THAP6: variants seen among roughly 807,000 people sequenced by gnomAD.
THAP6 encodes THAP domain-containing protein 6.
In THAP6, 13 loss-of-function variants were observed where a neutral mutation model predicts 20.0. That is an observed-to-expected ratio of 0.65 (90% CI 0.42 to 1.03). THAP6 has a LOEUF of 1.03. THAP6 is among the 50% of genes least tolerant of loss of function. THAP6 has a pLI of 0.00. For synonymous variants in THAP6, 93 were observed against 92.2 expected (o/e 1.01, Z -0.05); for missense variants, 262 against 261.6 (o/e 1.00, Z -0.01).
intron 2 of THAP6, among the ~76,000 whole-genome samples, chr4:75,541,967 A>G (rs570029115): frequency 6.6e-4 from 101 of 152,272 alleles, no homozygotes; most frequent in African/African-American, 2.4e-3. Context: ...AAAAAAAAAA[A>G]AAAGAAAATC....
intron 3 of THAP6, among the ~76,000 whole-genome samples, chr4:75,521,438 T>G (rs1726020981): frequency 6.6e-6 from 1 of 152,042 alleles, no homozygotes; most frequent in Non-Finnish European, 1.5e-5. Flanking sequence ...ATTTCTAGGT[T>G]TTTCTGTCTA....
rs1254001832 is a variant in THAP6, at chr4:75,514,528, C to T, written c.-21+8C>T. ...CAGTCTTCGCTGCTAACGGTAATAACTCTTAGGTTGCCTGTTTTCCCCCAA... is the reference window on the plus strand; with the variant it reads ...CAGTCTTCGCTGCTAACGGTAATAATTCTTAGGTTGCCTGTTTTCCCCCAA... On this transcript the variant is annotated splice_region_variant and intron_variant, in intron 1 of 4. Coordinates refer to ENST00000311638, the MANE Select transcript of THAP6 (RefSeq NM_144721.6). 3 of 427,680 alleles carry T rather than the reference C, an allele frequency of 7.0e-6. No individual in the cohort carries two copies. Among genetic ancestry groups the T allele is most frequent in the Non-Finnish European group, 1.3e-5 (3 of 237,332 alleles). 26.5% of individuals were successfully genotyped at this position (427,680 alleles called of 1,614,324 possible).
chr4:75,520,236 G>T (rs1278084287), intron 3 of THAP6, among the ~76,000 whole-genome samples: 2 of 152,060 alleles, frequency 1.3e-5, no homozygotes. Flanking sequence ...TTAGCCCTTT[G>T]TCAGATGAGT....
At chr4:75,541,433 TTTA>T (rs1489327051) in intron 2 of THAP6, among the ~76,000 whole-genome samples, 1 of 149,698 alleles carries the variant, frequency 6.7e-6, no homozygotes, top group Non-Finnish European at 1.5e-5. Flanking sequence ...TACAAAACAA[TTTA>T]TAAGTGTGTA....
downstream of THAP6, among the ~76,000 whole-genome samples, chr4:75,533,119 A>C (rs1411392765): frequency 6.6e-6 from 1 of 152,180 alleles, no homozygotes; most frequent in Non-Finnish European, 1.5e-5. Flanking sequence ...CTTTCCTTAT[A>C]AAACTGAATG....
chr4:75,541,356 G>A (rs1578283656), intron 2 of THAP6, among the ~76,000 whole-genome samples: 1 of 152,048 alleles, frequency 6.6e-6, no homozygotes, highest in East Asian at 1.9e-4. Context: ...CCTTAACATG[G>A]ATAAAAACAA....
At chr4:75,532,633 A>G (rs957481075), downstream of THAP6, among the ~76,000 whole-genome samples, 15 of 152,200 alleles carry the variant, frequency 9.9e-5, no homozygotes, top group Non-Finnish European at 2.2e-4. Flanking sequence ...CCCTACAACA[A>G]ACTTCTGCCT....
chr4:75,531,387 C>G (rs990096047), downstream of THAP6, among the ~76,000 whole-genome samples: 5 of 152,222 alleles, frequency 3.3e-5, no homozygotes, highest in African/African-American at 1.2e-4. Flanking sequence ...CTGGTTTCCT[C>G]TAGACTTTGT....
At chr4:75,514,327 G>C, upstream of THAP6, 1 of 1,588,032 alleles carries the variant, frequency 6.3e-7, no homozygotes, top group South Asian at 1.1e-5. Flanking sequence ...CCTTCCCCCA[G>C]GATAAAAACC....
intron 2 of THAP6, chr4:75,540,022 A>T (rs1307933341): frequency 6.7e-7 from 1 of 1,499,986 alleles, no homozygotes; most frequent in Non-Finnish European, 8.9e-7. Context: ...CAGGCAAGGA[A>T]CATTGTATCA....
rs533554659 is a variant in THAP6 at position 75,541,888 on chromosome 4, C to T, written c.166-521C>T. ...GGAGAATCGCTTGAGCGCAGAGGGGCGGAGGTTTCAGTGAGCCAAGATTGC... is the reference window on the plus strand; with the variant it reads ...GGAGAATCGCTTGAGCGCAGAGGGGTGGAGGTTTCAGTGAGCCAAGATTGC... On this transcript the variant is annotated intron_variant, in intron 2 of 4. Coordinates refer to the THAP6 transcript ENST00000502620. 8.7e-5 allele frequency among the ~76,000 whole-genome samples: 13 copies of T among 150,196 alleles called. No homozygotes were observed. The South Asian group carries it at 1.7e-3, about 19-fold the overall frequency.
At position 75,527,607 on chromosome 4, in the gene THAP6, A is replaced by G; in HGVS notation, c.*393A>G. 3.0e-6 allele frequency: 3 copies of G among 1,007,706 alleles called. No individual in the cohort carries two copies. The highest frequency in any genetic ancestry group is 2.4e-6 in the Non-Finnish European group (2 of 842,802). The allele number at this position is 1,007,706 out of a possible 1,614,324, so 62.4% of individuals were successfully genotyped here. On this transcript the variant is annotated 3_prime_UTR_variant, in exon 5 of 5. Transcript: ENST00000311638. ...CTTACATGTGCTTTATGGTAAGTAC[A>G]TTGAATTTTACTTTAAATGCATTTT...
rs1310620170 is a variant in THAP6, at chr4:75,516,981, T to G, written c.288+2T>G. 1 of 1,609,076 alleles carries G rather than the reference T, an allele frequency of 6.2e-7. No individual in the cohort carries two copies. The highest frequency in any genetic ancestry group is 1.1e-5 in the South Asian group (1 of 90,936). Reference sequence around the variant, plus strand: ...TTTGATTCTCCATATCACCTACAGGTTTGTTTATGAGATACTGTTTACCAT... The same window carrying G: ...TTTGATTCTCCATATCACCTACAGGGTTGTTTATGAGATACTGTTTACCAT... On this transcript the variant is annotated splice_donor_variant, in intron 3 of 4. Coordinates refer to ENST00000311638, the MANE Select transcript of THAP6 (RefSeq NM_144721.6). LOFTEE classifies it high-confidence loss of function.
At chr4:75,533,908 C>A (rs938768703), downstream of THAP6, among the ~76,000 whole-genome samples, 2 of 151,918 alleles carry the variant, frequency 1.3e-5, no homozygotes, top group Non-Finnish European at 2.9e-5. Context: ...CTATCCCTCC[C>A]CCTCCCCCCA....
downstream of THAP6, among the ~76,000 whole-genome samples, chr4:75,534,175 G>C (rs1318067870): frequency 6.6e-6 from 1 of 152,090 alleles, no homozygotes; most frequent in African/African-American, 2.4e-5. Flanking sequence ...GGACATTTGG[G>C]TTGGTTCCAA....
At position 75,528,047 on chromosome 4, in the gene THAP6, T is replaced by G; in HGVS notation, c.*833T>G. 1.0e-6 allele frequency: 1 copy of G among 984,634 alleles called. No homozygotes were observed. Among genetic ancestry groups the G allele is most frequent in the Non-Finnish European group, 1.2e-6 (1 of 829,166 alleles). The allele number at this position is 984,634 out of a possible 1,614,324, so 61.0% of individuals were successfully genotyped here. On this transcript the variant is annotated 3_prime_UTR_variant, in exon 5 of 5. Transcript: ENST00000311638. Reference sequence around the variant, plus strand: ...ACTTTTAATACTGCTTTGTATTTTATATGTAAAGTAGTATTGCTGACATTT... The same window carrying G: ...ACTTTTAATACTGCTTTGTATTTTAGATGTAAAGTAGTATTGCTGACATTT...
chr4:75,523,800 C>CAAAAAAAAAAAAAAAAAAAAAAAAAAA (rs74684663), intron 4 of THAP6, among the ~76,000 whole-genome samples: 1 of 72,746 alleles, frequency 1.4e-5, no homozygotes, highest in Non-Finnish European at 3.1e-5. Context: ...GAACCTGTCT[C>CAAAAAAAAAAAAAAAAAAAAAAAAAAA]AAAAAAAAAA....
In THAP6 at chr4:75,526,927, T is replaced by C; in HGVS notation, c.415-33T>C. ...AAGCTTTTATCCAACTACATATCTG[T>C]CTGATTTAATAACTTGGTGTTTATG... On this transcript the variant is annotated intron_variant, in intron 4 of 4. Transcript: ENST00000311638. The C allele has an allele frequency of 1.9e-6, 3 of 1,602,596 alleles. No individual in the cohort carries two copies. The South Asian group carries it at 3.3e-5, about 18-fold the overall frequency.
chr4:75,545,471 T>A (rs751738772), intron 3 of THAP6, among the ~76,000 whole-genome samples: 7 of 152,156 alleles, frequency 4.6e-5, no homozygotes, highest in African/African-American at 7.2e-5. Context: ...CAGCAGAAGA[T>A]GCCTAAGCAA....
Sources: gnomAD v4.1 joint callset for allele counts (sites outside exome capture counted in the v4.1 genomes callset) on GRCh38, gnomAD v4.1.1 for gene constraint, MANE v1.5 for transcripts, NCBI Gene and HGNC (gene_info 2026-07-23, HGNC 2026-07-21) for gene names.